The following BRF1 variants were observed in gnomAD, a reference collection of about 807,000 sequenced individuals.
BRF1 encodes the protein transcription factor IIIB 90 kDa subunit.
BRF1 carries 59 observed loss-of-function variants against 81.7 expected under a neutral mutation model. The ratio of observed to expected loss-of-function variants is 0.72; its 90% CI spans 0.59 to 0.90. The LOEUF (loss-of-function observed/expected upper bound fraction) is 0.90. BRF1 is among the 40% of genes least tolerant of loss of function. The pLI is 0.00. For synonymous variants in BRF1, 491 were observed against 395.6 expected, an observed-to-expected ratio of 1.24 and a Z score of -2.86; for missense variants, 1,050 against 936.3, an observed-to-expected ratio of 1.12 and a Z score of -1.58.
chr14:105,212,301 C>T (rs916841083), intron 15 of BRF1, 137 bp from the exon 16 acceptor site: 1 of 1,194,794 alleles, frequency 8.4e-7, no homozygotes, highest in Non-Finnish European at 1.2e-6. Flanking sequence ...GTTCTGCGTC[C>T]AGGTTCTGTG....
chr14:105,249,239 G>C, intron 5 of BRF1: 1 of 1,580,008 alleles, frequency 6.3e-7, no homozygotes, highest in Non-Finnish European at 8.6e-7. Flanking sequence ...GACGGTGCCC[G>C]CCCACAAGGT....
At position 105,219,017 on chromosome 14, in the gene BRF1, C is replaced by T. The variant is rs200287805; in HGVS notation, c.1496G>A (p.Gly499Asp). ...EARIAKEKEL[G>D]IYKEHKPKKS... ...GCCCACCTTGTGTTCCTTGTAGATG[C>T]CGAGCTCCTTCTCTTTCGCTATTCT... Residue 499 changes from glycine (G) to aspartate (D), a missense_variant, in exon 14 of 18, where the codon GGC (glycine) becomes GAC (aspartate). Physicochemically the swap from Gly to Asp is moderately conservative, Grantham distance 94. Coordinates refer to ENST00000547530, the MANE Select transcript of BRF1 (RefSeq NM_001519.4). 5 of 1,613,858 alleles carry T rather than the reference C, an allele frequency of 3.1e-6. No homozygotes were observed. The Admixed American group carries it at 5.0e-5, about 16-fold the overall frequency.
At position 105,221,735 on chromosome 14, in the gene BRF1, A is replaced by T. The variant is rs769694291; in HGVS notation, c.1228T>A (p.Ser410Thr). The T allele has an allele frequency of 1.7e-5, 27 of 1,606,594 alleles. No homozygotes were observed. In the South Asian group the frequency reaches 3.0e-4, roughly 18 times the overall value. Residue 410 changes from serine to threonine, a missense_variant, in exon 11 of 18, where the codon TCC (serine) becomes ACC (threonine). Coordinates refer to ENST00000547530, the MANE Select transcript of BRF1 (RefSeq NM_001519.4). ...EWGGRPPALG[S>T]LLDPLPTAAS... ...GCAGTGGGGAGGGGGTCCAGCAGGG[A>T]CCCCAGGGCCGGAGGTCTGCCGCCC...
At chr14:105,228,941 A>C in intron 6 of BRF1, 28 bp from the exon 7 acceptor site, 4 of 1,608,916 alleles carry the variant, frequency 2.5e-6, no homozygotes, top group Non-Finnish European at 3.4e-6. Flanking sequence ...GGGCCTCGTC[A>C]ACCACGGCTG....
At position 105,271,065 on chromosome 14, in the gene BRF1, C is replaced by T. The variant is rs1023272651; in HGVS notation, c.439+1656G>A. On this transcript the variant is annotated intron_variant, in intron 3 of 17. Coordinates refer to ENST00000547530, the MANE Select transcript of BRF1 (RefSeq NM_001519.4). This position sits in a 1 kb window ranked among gnomAD's most constrained non-coding sequence, Gnocchi z 5.5. ...TTATAAAAAAGATTCGGAAAAGACC[C>T]AGAGCTCTTAGAGATGAAAAACATG... is the stretch of plus-strand genomic sequence containing the variant. Among the ~76,000 whole-genome samples, 1 of 152,168 alleles carries T rather than the reference C, an allele frequency of 6.6e-6. No homozygotes were observed. The highest frequency in any genetic ancestry group is 2.4e-5 in the African/African-American group (1 of 41,444).
rs935802031 is a variant in BRF1 at position 105,284,335 on chromosome 14, G to C, written c.265+1961C>G. ...GCAGGACAAGGAAAAAAGCACAAGG[G>C]AAGCGTAAGGATCCATCCACTCTGC... On this transcript the variant is annotated intron_variant, in intron 2 of 17. Coordinates refer to ENST00000547530, the MANE Select transcript of BRF1 (RefSeq NM_001519.4). The surrounding 1 kb of genome is among the most constrained non-coding windows in gnomAD (Gnocchi z 4.0). 6.6e-6 allele frequency among the ~76,000 whole-genome samples: 1 copy of C among 152,082 alleles called. No homozygotes were observed. Among genetic ancestry groups the C allele is most frequent in the African/African-American group, 2.4e-5 (1 of 41,410 alleles).
chr14:105,215,858 A>G (rs1227301429), intron 15 of BRF1, among the ~76,000 whole-genome samples: 3 of 150,648 alleles, frequency 2.0e-5, no homozygotes, highest in African/African-American at 7.3e-5. Flanking sequence ...ACAGGCACAC[A>G]CACACATGCA....
Position 105,212,165 on chromosome 14 carries a change from C to A in BRF1, c.1773-1G>T. 6.2e-7 allele frequency: 1 copy of A among 1,611,906 alleles called. No individual in the cohort carries two copies. Among genetic ancestry groups the A allele is most frequent in the South Asian group, 1.1e-5 (1 of 90,888 alleles). ...CTGCGTAGACACCAGAGGCCTCAAC[C>A]TGCAAAAGGAAGCACAGCATGGCGG... On this transcript the variant is annotated splice_acceptor_variant, in intron 15 of 17. Transcript: ENST00000547530. LOFTEE classifies it high-confidence loss of function.
intron 2 of BRF1, among the ~76,000 whole-genome samples, chr14:105,273,773 G>A (rs925918016): frequency 2.0e-5 from 3 of 152,202 alleles, no homozygotes; most frequent in Non-Finnish European, 4.4e-5. Flanking sequence ...ATACACTGCG[G>A]AAAGCTGCAG....
At chr14:105,257,043 C>T (rs2055914263) in intron 3 of BRF1, among the ~76,000 whole-genome samples, 1 of 152,066 alleles carries the variant, frequency 6.6e-6, no homozygotes, top group Non-Finnish European at 1.5e-5. Flanking sequence ...AGACCTGGGG[C>T]CCCCTTGGTG....
At chr14:105,256,824 G>T (rs1258869742) in intron 3 of BRF1, among the ~76,000 whole-genome samples, 4 of 152,180 alleles carry the variant, frequency 2.6e-5, no homozygotes, top group Non-Finnish European at 4.4e-5. Flanking sequence ...CGGGTCGGGG[G>T]AACCAGAAAC....
At chr14:105,250,228 C>G in intron 5 of BRF1, 1 of 1,612,944 alleles carries the variant, frequency 6.2e-7, no homozygotes, top group Non-Finnish European at 8.5e-7. Flanking sequence ...CGCAGAGGTG[C>G]CACCGATTCC....
intron 1 of BRF1, among the ~76,000 whole-genome samples, chr14:105,292,123 C>T (rs2057540772): frequency 1.3e-5 from 2 of 152,082 alleles, no homozygotes; most frequent in Non-Finnish European, 1.5e-5. Flanking sequence ...CCCAAATAGG[C>T]GGGACCACAG....
chr14:105,254,250 T>C (rs1209644939), intron 4 of BRF1, among the ~76,000 whole-genome samples: 1 of 152,134 alleles, frequency 6.6e-6, no homozygotes, highest in South Asian at 2.1e-4. Flanking sequence ...GCGTGCAGTT[T>C]TTTTGTTTTA....
chr14:105,247,502 T>C lies in BRF1; in HGVS notation c.544+5005A>G, dbSNP rs957520391. The C allele has an allele frequency of 1.3e-5, 13 of 985,288 alleles. No homozygotes were observed. In the African/African-American group the frequency reaches 1.4e-4, roughly 11 times the overall value. The allele number at this position is 985,288 out of a possible 1,614,324, so 61.0% of individuals were successfully genotyped here. A position where few individuals can be genotyped will look rare whatever the true frequency, so the allele number is the denominator to read the frequency against. ...TTCCTGACTTGTAGTTGCTCCTCCA[T>C]CCTGGAGAGTCCTTTGTTGAAAATA... On this transcript the variant is annotated intron_variant, in intron 5 of 17. Coordinates refer to ENST00000547530, the MANE Select transcript of BRF1 (RefSeq NM_001519.4).
intron 1 of BRF1, among the ~76,000 whole-genome samples, chr14:105,298,593 G>A (rs1215599284): frequency 6.6e-6 from 1 of 152,216 alleles, no homozygotes; most frequent in Non-Finnish European, 1.5e-5. Context: ...GGTGGCTCGC[G>A]CCTGTAATCC....
chr14:105,290,395 G>C (rs1244853350), intron 1 of BRF1, among the ~76,000 whole-genome samples: 2 of 152,088 alleles, frequency 1.3e-5, no homozygotes, highest in Non-Finnish European at 2.9e-5. Flanking sequence ...CTCCAGCCTG[G>C]GCAACAAGAG....
At chr14:105,250,430 A>T in intron 5 of BRF1, 1 of 1,614,000 alleles carries the variant, frequency 6.2e-7, no homozygotes, top group Non-Finnish European at 8.5e-7. Flanking sequence ...GACCAAGTTC[A>T]TGTCAGACGG....
At chr14:105,314,169 G>C (rs374452568) in intron 1 of BRF1, among the ~76,000 whole-genome samples, 1 of 152,142 alleles carries the variant, frequency 6.6e-6, no homozygotes. Context: ...GCGTCCCGGG[G>C]AACCCACGCA....
Sources: allele counts gnomAD v4.1 joint callset (sites outside exome capture counted in the v4.1 genomes callset), GRCh38; gene constraint gnomAD v4.1.1; non-coding constraint Gnocchi (gnomAD v3.1); transcripts MANE v1.5; gene names NCBI Gene and HGNC (gene_info 2026-07-23, HGNC 2026-07-21).